Variants in CDKL4 observed in about 807,000 individuals in gnomAD.
CDKL4 encodes cyclin-dependent kinase-like 4.
A neutral mutation model predicts 42.0 loss-of-function variants in CDKL4; 44 were observed. The observed-to-expected ratio is 1.05, with a 90% confidence interval of 0.82 to 1.35. CDKL4 has a LOEUF of 1.35. Among genes scored for constraint, CDKL4 ranks in the 40% most tolerant of loss-of-function variants. The probability of loss-of-function intolerance (pLI) is 0.00; values close to 1 mark genes in which losing one functional copy is unlikely to be tolerated. For synonymous variants in CDKL4, 120 were observed against 121.6 expected (o/e 0.99, Z 0.09); for missense variants, 393 against 369.9 (o/e 1.06, Z -0.51).
intron 6 of CDKL4, among the ~76,000 whole-genome samples, chr2:39,189,393 G>A (rs1676039165): frequency 6.6e-6 from 1 of 152,138 alleles, no homozygotes; most frequent in Non-Finnish European, 1.5e-5. Context: ...CTAAGCCTCT[G>A]TTTCCTCGTT....
chr2:39,169,935 A>G, the CDKL4 span, among the ~76,000 whole-genome samples: 2 of 152,152 alleles, frequency 1.3e-5, no homozygotes, highest in Admixed American at 1.3e-4. Context: ...CAGTGGCACA[A>G]TTATGGCTCA....
chr2:39,231,995 C>A (rs1187036092), intron 1 of CDKL4, among the ~76,000 whole-genome samples: 2 of 152,180 alleles, frequency 1.3e-5, no homozygotes, highest in African/African-American at 4.8e-5. Flanking sequence ...GTACTACAGT[C>A]ATTGGGGGAA....
downstream of CDKL4, chr2:39,175,499 T>G (rs1572931788): frequency 6.5e-6 from 1 of 152,880 alleles, no homozygotes; most frequent in South Asian, 2.1e-4. Context: ...AAGGTTCCCT[T>G]TCTACACCAA....
chr2:39,195,682 G>A (rs548370270), intron 5 of CDKL4, among the ~76,000 whole-genome samples: 45 of 134,520 alleles, frequency 3.3e-4, no homozygotes, highest in Admixed American at 2.4e-3. Flanking sequence ...TCACTTTGTC[G>A]CCTGGGCTGG....
upstream of CDKL4, among the ~76,000 whole-genome samples, chr2:39,246,788 G>A (rs923328646): frequency 6.6e-6 from 1 of 151,952 alleles, no homozygotes; most frequent in African/African-American, 2.4e-5. Context: ...CTGTTGCCTA[G>A]GCTAAAGTGC....
At chr2:39,180,517 AC>A (rs1435233262) in intron 8 of CDKL4, among the ~76,000 whole-genome samples, 1 of 133,132 alleles carries the variant, frequency 7.5e-6, no homozygotes, top group East Asian at 1.9e-4. Context: ...TCTTCAAGAA[AC>A]AATCCTGCTC....
At chr2:39,238,683 G>A (rs1396895733) in intron 1 of CDKL4, among the ~76,000 whole-genome samples, 2 of 152,100 alleles carry the variant, frequency 1.3e-5, no homozygotes, top group Non-Finnish European at 2.9e-5. Context: ...ATATATCAAT[G>A]AAACATAATA....
chr2:39,181,485 G>A (rs1675435517), intron 8 of CDKL4, among the ~76,000 whole-genome samples: 1 of 152,034 alleles, frequency 6.6e-6, no homozygotes, highest in South Asian at 2.1e-4. Context: ...AGGTGCAACT[G>A]CTTACTTAAC....
downstream of CDKL4, among the ~76,000 whole-genome samples, chr2:39,171,586 G>C (rs973006395): frequency 6.6e-6 from 1 of 152,198 alleles, no homozygotes. Context: ...CAAGCACATA[G>C]GCCACCAGGG....
intron 3 of CDKL4, among the ~76,000 whole-genome samples, chr2:39,219,774 C>T (rs1254149504): frequency 6.6e-6 from 1 of 152,048 alleles, no homozygotes; most frequent in African/African-American, 2.4e-5. Context: ...AATGCCTATT[C>T]AAGGCAAGGC....
chr2:39,238,333 T>G (rs1261996624), intron 1 of CDKL4, among the ~76,000 whole-genome samples: 1 of 152,180 alleles, frequency 6.6e-6, no homozygotes, highest in East Asian at 1.9e-4. Context: ...CTTGGGATGT[T>G]GAGGCGGGAG....
intron 1 of CDKL4, among the ~76,000 whole-genome samples, chr2:39,240,677 T>TA (rs768356807): frequency 0.013 from 1,120 of 87,862 alleles, 8 homozygotes; most frequent in Middle Eastern, 0.028. Context: ...AGATGAACAT[T>TA]AAAAAAAAAA....
At chr2:39,174,928 T>A (rs1675105605), downstream of CDKL4, among the ~76,000 whole-genome samples, 1 of 152,106 alleles carries the variant, frequency 6.6e-6, no homozygotes, top group Non-Finnish European at 1.5e-5. Flanking sequence ...TACGTATGTA[T>A]GTCAAGTTTA....
intron 1 of CDKL4, among the ~76,000 whole-genome samples, chr2:39,235,802 A>G (rs1679338377): frequency 6.6e-6 from 1 of 152,176 alleles, no homozygotes; most frequent in Non-Finnish European, 1.5e-5. Flanking sequence ...CACAATTGCT[A>G]TAATATTACC....
At chr2:39,184,275 T>C (rs1372381653) in intron 8 of CDKL4, among the ~76,000 whole-genome samples, 1 of 152,216 alleles carries the variant, frequency 6.6e-6, no homozygotes, top group Non-Finnish European at 1.5e-5. Flanking sequence ...AGACTAGGCA[T>C]AGGTAAGTTT....
chr2:39,245,471 C>CT (rs1260426901), upstream of CDKL4, among the ~76,000 whole-genome samples: 1 of 152,208 alleles, frequency 6.6e-6, no homozygotes, highest in Non-Finnish European at 1.5e-5. Context: ...GGGTCCGCGG[C>CT]TTCATTCTTG....
upstream of CDKL4, among the ~76,000 whole-genome samples, chr2:39,243,960 G>A (rs556949164): frequency 2.5e-4 from 38 of 152,304 alleles, no homozygotes; most frequent in African/African-American, 9.1e-4. Context: ...AGGAGGCGCC[G>A]TGTACCCAGC....
intron 5 of CDKL4, among the ~76,000 whole-genome samples, chr2:39,203,841 C>T (rs1175218072): frequency 6.6e-6 from 1 of 152,226 alleles, no homozygotes; most frequent in Non-Finnish European, 1.5e-5. Flanking sequence ...ACAGCAACCT[C>T]AGAAAGCCTT....
At chr2:39,210,630 C>A (rs369513928) in intron 4 of CDKL4, among the ~76,000 whole-genome samples, 6 of 152,142 alleles carry the variant, frequency 3.9e-5, no homozygotes, top group East Asian at 1.9e-4. Flanking sequence ...AACCAAGTAC[C>A]CAGGAAAGTG....
Sources: allele counts gnomAD v4.1 joint callset (sites outside exome capture counted in the v4.1 genomes callset), GRCh38; gene constraint gnomAD v4.1.1; transcripts MANE v1.5; gene names NCBI Gene and HGNC (gene_info 2026-07-23, HGNC 2026-07-21).